LCLAT1: variants seen among roughly 807,000 people sequenced by gnomAD.
LCLAT1 encodes 1-AGP acyltransferase 8.
A neutral mutation model predicts 30.7 loss-of-function variants in LCLAT1; 11 were observed. The observed-to-expected ratio is 0.36, with a 90% CI of 0.23 to 0.59. The LOEUF (loss-of-function observed/expected upper bound fraction) is 0.59. Among genes scored for constraint, LCLAT1 ranks in the 20% least tolerant of loss-of-function variants. The probability of loss-of-function intolerance (pLI) is 0.77; values close to 1 mark genes in which losing one functional copy is unlikely to be tolerated. For synonymous variants in LCLAT1, 155 were observed against 151.3 expected, an observed-to-expected ratio of 1.02 and a Z score of -0.18; for missense variants, 402 against 458.6, an observed-to-expected ratio of 0.88 and a Z score of 1.13.
intron 1 of LCLAT1, among the ~76,000 whole-genome samples, chr2:30,469,582 T>G (rs913243358): frequency 1.4e-5 from 2 of 146,522 alleles, no homozygotes; most frequent in South Asian, 2.2e-4. Context: ...TTCTTTTTTT[T>G]TTTTTTTTTT....
chr2:30,561,318 G>T (rs1665209807), intron 3 of LCLAT1, among the ~76,000 whole-genome samples: 1 of 152,150 alleles, frequency 6.6e-6, no homozygotes, highest in Non-Finnish European at 1.5e-5. Flanking sequence ...CTACCAACTT[G>T]TCTGGTTTCT....
intron 1 of LCLAT1, among the ~76,000 whole-genome samples, chr2:30,523,054 A>G (rs1054961697): frequency 5.3e-5 from 8 of 152,106 alleles, no homozygotes; most frequent in Non-Finnish European, 1.0e-4. Flanking sequence ...GAAGCATTAT[A>G]TATGGATACA....
At chr2:30,519,224 C>A (rs1203574826) in intron 1 of LCLAT1, among the ~76,000 whole-genome samples, 2 of 152,180 alleles carry the variant, frequency 1.3e-5, no homozygotes, top group Non-Finnish European at 2.9e-5. Flanking sequence ...GTATCTTTAA[C>A]CTCCTTGTTA....
At chr2:30,463,833 A>C (rs1481428535) in intron 1 of LCLAT1, among the ~76,000 whole-genome samples, 1 of 152,230 alleles carries the variant, frequency 6.6e-6, no homozygotes, top group Non-Finnish European at 1.5e-5. Flanking sequence ...CTGGTTGCAT[A>C]ATATTCCAGT....
At chr2:30,613,047 G>A (rs1227351154) in intron 5 of LCLAT1, among the ~76,000 whole-genome samples, 2 of 152,170 alleles carry the variant, frequency 1.3e-5, no homozygotes, top group Non-Finnish European at 2.9e-5. Flanking sequence ...TTTGGGGGAA[G>A]AGGATCCCTA....
rs184376523 is a variant in LCLAT1 at position 30,462,158 on chromosome 2, C to T, written c.-5+14775C>T. Reference sequence around the variant, plus strand: ...TAGGATAAAACCCATTATTTGCAGGCAGCCATTCAAGGCCCACTGGAGTCC... The same window carrying T: ...TAGGATAAAACCCATTATTTGCAGGTAGCCATTCAAGGCCCACTGGAGTCC... On this transcript the variant is annotated intron_variant, in intron 1 of 5. Coordinates refer to ENST00000379509, the MANE Select transcript of LCLAT1 (RefSeq NM_001002257.3). Among the ~76,000 whole-genome samples the T allele has an allele frequency of 1.6e-3, 251 of 152,288 alleles. 1 individual carries two copies. The highest frequency in any genetic ancestry group is 5.8e-3 in the African/African-American group (239 of 41,560).
intron 1 of LCLAT1, among the ~76,000 whole-genome samples, chr2:30,490,665 T>G (rs1683795847): frequency 6.6e-6 from 1 of 152,232 alleles, no homozygotes; most frequent in South Asian, 2.1e-4. Flanking sequence ...GTTGGAGAAG[T>G]CTTAAGATTT....
chr2:30,505,563 G>C (rs1684619463), intron 1 of LCLAT1, among the ~76,000 whole-genome samples: 1 of 151,964 alleles, frequency 6.6e-6, no homozygotes, highest in Admixed American at 6.6e-5. Flanking sequence ...CATACATATA[G>C]AGAAGTACAT....
chr2:30,572,946 A>C (rs7593659), intron 5 of LCLAT1, among the ~76,000 whole-genome samples: 12,512 of 151,408 alleles, frequency 0.083, 939 homozygotes, highest in African/African-American at 0.2. Flanking sequence ...GGGTTGAAAG[A>C]GGAAAAAAAA....
intron 1 of LCLAT1, among the ~76,000 whole-genome samples, chr2:30,503,670 T>C (rs829663): frequency 5.3e-5 from 8 of 152,082 alleles, no homozygotes; most frequent in Admixed American, 5.2e-4. Context: ...AAAATGGTGA[T>C]ATTTTTAAAA....
intron 1 of LCLAT1, among the ~76,000 whole-genome samples, chr2:30,480,550 GA>G: frequency 6.6e-6 from 1 of 152,246 alleles, no homozygotes; most frequent in South Asian, 2.1e-4. Flanking sequence ...CAATTTATCT[GA>G]CTTTTTCTCT....
intron 3 of LCLAT1, among the ~76,000 whole-genome samples, chr2:30,560,132 A>T (rs1039808669): frequency 6.6e-6 from 1 of 152,164 alleles, no homozygotes; most frequent in Admixed American, 6.5e-5. Flanking sequence ...GTCATGTCCA[A>T]TATTGGTGGA....
rs777674554 is a variant in LCLAT1 at position 30,562,251 on chromosome 2, C to T, written c.470C>T (p.Pro157Leu). The change falls in exon 4 of 6, where the codon CCA (proline) becomes CTA (leucine). Residue 157 changes from proline (P) to leucine (L), a missense_variant. Transcript: ENST00000379509. ...GATTACTTTTGTGATATTCACGAAC[C>T]ACTTCAACTCCTCATATTCCCAGAA... ...MIDYFCDIHE[P>L]LQLLIFPEGT... 3 of 1,611,988 alleles carry T rather than the reference C, an allele frequency of 1.9e-6. No homozygotes were observed. Among genetic ancestry groups the T allele is most frequent in the African/African-American group, 2.7e-5 (2 of 74,870 alleles).
chr2:30,517,185 C>G (rs1457146899), intron 1 of LCLAT1, among the ~76,000 whole-genome samples: 2 of 152,174 alleles, frequency 1.3e-5, no homozygotes, highest in Non-Finnish European at 2.9e-5. Flanking sequence ...TCCCTGCCTC[C>G]TAGGTACTAA....
intron 3 of LCLAT1, among the ~76,000 whole-genome samples, chr2:30,537,312 C>T (rs892708427): frequency 1.3e-5 from 2 of 151,152 alleles, no homozygotes; most frequent in South Asian, 2.1e-4. Context: ...ACCTGGGAAG[C>T]GGAGCTTGCA....
At chr2:30,550,829 C>T (rs1262525985) in intron 3 of LCLAT1, among the ~76,000 whole-genome samples, 1 of 152,124 alleles carries the variant, frequency 6.6e-6, no homozygotes, top group East Asian at 1.9e-4. Flanking sequence ...ATTCATACTT[C>T]TGTGGAAAAT....
At chr2:30,625,085 T>C (rs1341135225) in intron 5 of LCLAT1, among the ~76,000 whole-genome samples, 1 of 152,114 alleles carries the variant, frequency 6.6e-6, no homozygotes, top group East Asian at 1.9e-4. Context: ...ACCTCTGGGA[T>C]ACAACAAAAG....
intron 1 of LCLAT1, among the ~76,000 whole-genome samples, chr2:30,472,571 G>A (rs1221059399): frequency 6.6e-6 from 1 of 152,184 alleles, no homozygotes; most frequent in Admixed American, 6.5e-5. Context: ...AGTGCCCCTA[G>A]TGTCAGAATG....
intron 1 of LCLAT1, among the ~76,000 whole-genome samples, chr2:30,492,023 C>T (rs1180194862): frequency 6.6e-6 from 1 of 152,146 alleles, no homozygotes; most frequent in Non-Finnish European, 1.5e-5. Flanking sequence ...ATACATTAGG[C>T]ATTTATGTAT....
Sources: gnomAD v4.1 joint callset for allele counts (sites outside exome capture counted in the v4.1 genomes callset) on GRCh38, gnomAD v4.1.1 for gene constraint, MANE v1.5 for transcripts, NCBI Gene and HGNC (gene_info 2026-07-23, HGNC 2026-07-21) for gene names.